The following ZNF687 variants were observed in gnomAD, a reference collection of about 807,000 sequenced individuals.
ZNF687 encodes zinc finger protein 687.
In ZNF687, 13 loss-of-function variants were observed where a neutral mutation model predicts 71.8. The observed-to-expected ratio is 0.18, with a 90% confidence interval of 0.12 to 0.29. The LOEUF is 0.29. ZNF687 is among the 10% of genes least tolerant of loss of function. The probability of loss-of-function intolerance (pLI) is 1.00; values close to 1 mark genes in which losing one functional copy is unlikely to be tolerated. For missense variants in ZNF687, 1,412 were observed against 1,625.6 expected, an observed-to-expected ratio of 0.87 and a Z score of 2.26; for synonymous variants, 673 against 641.6, an observed-to-expected ratio of 1.05 and a Z score of -0.74.
At position 151,287,117 on chromosome 1, in the gene ZNF687, C is replaced by G; in HGVS notation, c.826C>G (p.Pro276Ala). Residue 276 changes from proline (P) to alanine (A), a missense_variant, in exon 2 of 9, where the codon CCC becomes GCC. Pro to Ala is a conservative substitution (Grantham distance 27). Transcript: ENST00000336715. This position sits in a 1 kb window ranked among gnomAD's most constrained non-coding sequence, Gnocchi z 5.0. Reference protein sequence around the residue: ...SPGHQSPLASPKVPVCQPLKE... With the variant: ...SPGHQSPLASAKVPVCQPLKE... ...AGGGCACCAGAGCCCTCTTGCCTCC[C>G]CCAAAGTGCCCGTCTGTCAGCCCTT... The G allele has an allele frequency of 6.2e-7, 1 of 1,614,176 alleles. No individual in the cohort carries two copies. Among genetic ancestry groups the G allele is most frequent in the Non-Finnish European group, 8.5e-7 (1 of 1,180,018 alleles).
rs919131914 is a variant in ZNF687, at chr1:151,282,408, G to A, written c.-18+13G>A. ...AGGAGCGGAACAAGTAAGCGTGCCT[G>A]GGGTAAATACCCGCCCTTGGCTCCG... On this transcript the variant is annotated intron_variant, in intron 1 of 8. Transcript: ENST00000336715. 6.5e-5 allele frequency: 64 copies of A among 987,176 alleles called. No individual in the cohort carries two copies. The African/African-American group carries it at 1.0e-3, about 16-fold the overall frequency. 61.2% of individuals were successfully genotyped at this position (987,176 alleles called of 1,614,324 possible).
rs2101889614 is a variant in ZNF687 at position 151,291,205 on chromosome 1, A to ACAG, written c.3711_3712insAGC. ...GCTCGGCAGGGGGCTGTTGGGGACA[A>ACAG]CTAGTCTCCAAGGCCTGGGACTGAC... On this transcript the variant is annotated inframe_insertion, in exon 9 of 9. Transcript: ENST00000336715. The ACAG allele has an allele frequency of 6.2e-7, 1 of 1,608,380 alleles. No homozygotes were observed. The highest frequency in any genetic ancestry group is 8.5e-7 in the Non-Finnish European group (1 of 1,177,064).
chr1:151,288,496 C>T, intron 2 of ZNF687, 32 bp from the exon 3 acceptor site: 1 of 1,581,578 alleles, frequency 6.3e-7, no homozygotes, highest in Non-Finnish European at 8.6e-7. Flanking sequence ...GGACACTCCT[C>T]ACCGACTTTC....
intron 3 of ZNF687, 138 bp from the exon 4 acceptor site, chr1:151,288,957 C>A (rs1557772469): frequency 1.9e-6 from 2 of 1,064,352 alleles, no homozygotes; most frequent in African/African-American, 3.2e-5. Context: ...GCACCTCTCT[C>A]CTTTCTCCAC....
Position 151,287,354 on chromosome 1 carries a change from C to G in ZNF687, c.1063C>G (p.Pro355Ala), listed in dbSNP as rs752741983. The change falls in exon 2 of 9, where the codon CCA becomes GCA. Residue 355 changes from proline (P) to alanine (A), a missense_variant. Physicochemically the swap from Pro to Ala is conservative, Grantham distance 27 (BLOSUM62 -1). Coordinates refer to ENST00000336715, the MANE Select transcript of ZNF687 (RefSeq NM_020832.3). The surrounding 1 kb of genome is among the most constrained non-coding windows in gnomAD (Gnocchi z 5.0). ...AACTCAGGTCCCCTCAGATCCTGAT[C>G]CACCTGCCCCCTTGGCTGAGGGGGC... ...TVTQVPSDPD[P>A]PAPLAEGAFL... is the part of the protein sequence containing the mutation. 9 of 1,614,076 alleles carry G rather than the reference C, an allele frequency of 5.6e-6. No homozygotes were observed. The highest frequency in any genetic ancestry group is 5.9e-6 in the Non-Finnish European group (7 of 1,180,044).
chr1:151,284,250 T>A, intron 1 of ZNF687: 1 of 985,232 alleles, frequency 1.0e-6, no homozygotes, highest in Non-Finnish European at 1.2e-6. Flanking sequence ...CTGTGGCAGC[T>A]GTGCTGGAGA....
At chr1:151,282,880 G>GTGCGCGGCGGGAGGAGGC (rs1401083282) in intron 1 of ZNF687, among the ~76,000 whole-genome samples, 1 of 152,212 alleles carries the variant, frequency 6.6e-6, no homozygotes, top group Non-Finnish European at 1.5e-5. Flanking sequence ...GCCTCCGGGA[G>GTGCGCGGCGGGAGGAGGC]TGCGCGGCGG....
At chr1:151,283,705 C>A in intron 1 of ZNF687, 1 of 498,280 alleles carries the variant, frequency 2.0e-6, no homozygotes, top group Non-Finnish European at 2.6e-6. Flanking sequence ...GGCTTAGGAG[C>A]CAGGCCTATA....
At chr1:151,283,755 T>C in intron 1 of ZNF687, 1 of 905,716 alleles carries the variant, frequency 1.1e-6, no homozygotes, top group Non-Finnish European at 1.3e-6. Flanking sequence ...TCTGCAGAAT[T>C]GAATAGGGTG....
chr1:151,286,848 G>T lies in ZNF687; in HGVS notation c.557G>T (p.Arg186Leu). ...CCTCCCTCTGCACCCTCTCCCACTC[G>T]GGAGGGGGCTCTGACCCCGCCTCCT... Reference protein sequence around the residue: ...PLPPSAPSPTREGALTPPPFP... With the variant: ...PLPPSAPSPTLEGALTPPPFP... Residue 186 changes from arginine to leucine, a missense_variant, in exon 2 of 9, where the codon CGG (arginine) becomes CTG (leucine). Physicochemically the swap from Arg to Leu is moderately radical, Grantham distance 102 (BLOSUM62 -2). This residue lies in a region of ZNF687 where 490 missense variants were observed against 489.9 expected (regional missense o/e 1.00). Coordinates refer to ENST00000336715, the MANE Select transcript of ZNF687 (RefSeq NM_020832.3). 1 of 1,613,946 alleles carries T rather than the reference G, an allele frequency of 6.2e-7. No individual in the cohort carries two copies. Among genetic ancestry groups the T allele is most frequent in the South Asian group, 1.1e-5 (1 of 91,060 alleles).
rs1693827221 is a variant in ZNF687, at chr1:151,283,689, G to A, written c.-18+1294G>A. 8.2e-6 allele frequency: 3 copies of A among 365,124 alleles called. No homozygotes were observed. The South Asian group carries it at 3.4e-4, about 41-fold the overall frequency. The allele number at this position is 365,124 out of a possible 1,614,324, so 22.6% of individuals were successfully genotyped here. A position where few individuals can be genotyped will look rare whatever the true frequency, so the allele number is the denominator to read the frequency against. On this transcript the variant is annotated intron_variant, in intron 1 of 8. Coordinates refer to ENST00000336715, the MANE Select transcript of ZNF687 (RefSeq NM_020832.3). Reference sequence around the variant, plus strand: ...GTAGCTCAGGCCTCTGGTCAGGAGGGAACCAGGCTTAGGAGCCAGGCCTAT... The same window carrying A: ...GTAGCTCAGGCCTCTGGTCAGGAGGAAACCAGGCTTAGGAGCCAGGCCTAT...
rs1185657677 is a variant in ZNF687, at chr1:151,288,710, C to G, written c.2294+4C>G. ...TCTCTCGCCGTGTAGGATACAGGTG[C>G]CTCGGACCCTTCCTCCATAGAACTG... On this transcript the variant is annotated splice_donor_region_variant and intron_variant, in intron 3 of 8. Coordinates refer to ENST00000336715, the MANE Select transcript of ZNF687 (RefSeq NM_020832.3). 6.2e-7 allele frequency: 1 copy of G among 1,607,982 alleles called. No individual in the cohort carries two copies. The highest frequency in any genetic ancestry group is 2.2e-5 in the East Asian group (1 of 44,832).
In ZNF687 at chr1:151,289,898, G is replaced by A. The variant is rs757292463; in HGVS notation, c.2855G>A (p.Gly952Asp). 1.2e-5 allele frequency: 19 copies of A among 1,558,410 alleles called. No homozygotes were observed. The highest frequency in any genetic ancestry group is 1.7e-4 in the Middle Eastern group (1 of 5,982). Reference protein sequence around the residue: ...KRPRRELGSKGLKGGGGGPGG... With the variant: ...KRPRRELGSKDLKGGGGGPGG... ...CCTCGGCGGGAACTAGGGAGCAAAG[G>A]CCTCAAGGGTGGGGGTGGGGGGCCT... The change falls in exon 6 of 9, where the codon GGC becomes GAC. Residue 952 changes from glycine to aspartate, a missense_variant. Physicochemically the swap from Gly to Asp is moderately conservative, Grantham distance 94. Around this residue, in one of 8 missense-constraint regions of ZNF687, gnomAD observed 135 missense variants for 104.1 expected, o/e 1.30. Coordinates refer to ENST00000336715, the MANE Select transcript of ZNF687 (RefSeq NM_020832.3).
In ZNF687 at chr1:151,283,500, GTC is replaced by G. The variant is rs1440954201; in HGVS notation, c.-18+1107_-18+1108del. On this transcript the variant is annotated intron_variant, in intron 1 of 8. Transcript: ENST00000336715. ...AGCTTGGCGGCTTGCTTGGTCGACT[GTC>G]TGCTCTGGGTGGGTGGCCATCGGAT... is the stretch of plus-strand genomic sequence containing the variant. Among the ~76,000 whole-genome samples the G allele has an allele frequency of 3.9e-5, 6 of 152,152 alleles. No homozygotes were observed. The East Asian group carries it at 1.2e-3, about 29-fold the overall frequency.
rs112048270 is a variant in ZNF687, at chr1:151,289,158, G to A, written c.2358G>A (p.Ser786=). Residue 786 remains serine, a synonymous_variant, in exon 4 of 9, where the codon TCG becomes TCA. Coordinates refer to ENST00000336715, the MANE Select transcript of ZNF687 (RefSeq NM_020832.3). The stretch of plus-strand genomic sequence containing the variant: ...CCATCAAGTCCCACATCCAGACGTC[G>A]CACTGCGAGGTTTTCCACAAGTGCC... ...VNSIKSHIQT[S]HCEVFHKCPI... is the part of the protein sequence containing the mutation. 27 of 1,614,076 alleles carry A rather than the reference G, an allele frequency of 1.7e-5. No homozygotes were observed. The Middle Eastern group carries it at 6.6e-4, about 39-fold the overall frequency.
At chr1:151,283,677 C>A (rs1281529747) in intron 1 of ZNF687, 1 of 289,258 alleles carries the variant, frequency 3.5e-6, no homozygotes, top group African/African-American at 2.3e-5. Context: ...GCTCAGGCCT[C>A]TGGTCAGGAG....
In ZNF687 at chr1:151,283,238, C is replaced by A. The variant is rs968254942; in HGVS notation, c.-18+843C>A. 3 of 985,454 alleles carry A rather than the reference C, an allele frequency of 3.0e-6. No homozygotes were observed. The African/African-American group carries it at 5.2e-5, about 17-fold the overall frequency. The allele number at this position is 985,454 out of a possible 1,614,324, so 61.0% of individuals were successfully genotyped here. On this transcript the variant is annotated intron_variant, in intron 1 of 8. Coordinates refer to ENST00000336715, the MANE Select transcript of ZNF687 (RefSeq NM_020832.3). ...GCAGATGGCAGGGACTTAATTCCGT[C>A]TGCTACCCAGCTTGGCCTCAACCTA...
rs777215308 is a variant in ZNF687, at chr1:151,287,385, T to C, written c.1094T>C (p.Leu365Ser). The C allele has an allele frequency of 1.9e-6, 3 of 1,614,084 alleles. No individual in the cohort carries two copies. The East Asian group carries it at 6.7e-5, about 36-fold the overall frequency. ...GCCCCCTTGGCTGAGGGGGCCTTCT[T>C]GGCTGAGGCTAGCCTCTTGAAGCTG... ...PPAPLAEGAF[L>S]AEASLLKLSP... is the part of the protein sequence containing the mutation. Residue 365 changes from leucine to serine, a missense_variant, in exon 2 of 9, where the codon TTG becomes TCG. Physicochemically the swap from Leu to Ser is moderately radical, Grantham distance 145. This residue lies in a region of ZNF687 where 490 missense variants were observed against 489.9 expected (regional missense o/e 1.00). Coordinates refer to ENST00000336715, the MANE Select transcript of ZNF687 (RefSeq NM_020832.3). This position sits in a 1 kb window ranked among gnomAD's most constrained non-coding sequence, Gnocchi z 5.0.
At position 151,288,170 on chromosome 1, in the gene ZNF687, C is replaced by A. The variant is rs375838898; in HGVS notation, c.1879C>A (p.Pro627Thr). The A allele has an allele frequency of 1.1e-5, 18 of 1,613,762 alleles. No individual in the cohort carries two copies. The African/African-American group carries it at 2.3e-4, about 20-fold the overall frequency. The change falls in exon 2 of 9, where the codon CCT becomes ACT. Residue 627 changes from proline (P) to threonine (T), a missense_variant. Physicochemically the swap from Pro to Thr is conservative, Grantham distance 38. Coordinates refer to ENST00000336715, the MANE Select transcript of ZNF687 (RefSeq NM_020832.3). Reference protein sequence around the residue: ...LPVAVPPVSGPLALPALGKGE... With the variant: ...LPVAVPPVSGTLALPALGKGE... ...TGTAGCTGTCCCACCTGTCTCTGGA[C>A]CTCTGGCCTTGCCTGCCTTGGGCAA...
Sources: allele counts gnomAD v4.1 joint callset (sites outside exome capture counted in the v4.1 genomes callset), GRCh38; gene constraint gnomAD v4.1.1; regional missense constraint gnomAD v4.1.1; non-coding constraint Gnocchi (gnomAD v3.1); transcripts MANE v1.5; gene names NCBI Gene and HGNC (gene_info 2026-07-23, HGNC 2026-07-21).